BTBD8: variants seen among roughly 807,000 people sequenced by gnomAD.
BTBD8 encodes the protein BTB domain containing 8.
BTBD8 carries 110 observed loss-of-function variants against 162.9 expected under a neutral mutation model. The observed-to-expected ratio is 0.68, with a 90% CI of 0.58 to 0.79. The LOEUF is 0.79. Among genes scored for constraint, BTBD8 ranks in the 30% least tolerant of loss-of-function variants. The pLI is 0.00. For missense variants in BTBD8, 1,905 were observed against 2,085.4 expected, an observed-to-expected ratio of 0.91 and a Z score of 1.68; for synonymous variants, 667 against 716.1, an observed-to-expected ratio of 0.93 and a Z score of 1.10.
Position 92,182,309 on chromosome 1 carries a change from A to T in BTBD8, c.4626A>T (p.Leu1542=). 6.4e-7 allele frequency: 1 copy of T among 1,551,288 alleles called. No homozygotes were observed. The highest frequency in any genetic ancestry group is 8.7e-7 in the Non-Finnish European group (1 of 1,146,862). The change falls in exon 17 of 18, where the codon CTA becomes CTT. Residue 1542 remains leucine (L), a synonymous_variant. Transcript: ENST00000636805. ...AAAAAAAGAACACAATAGACGTCCT[A>T]TCCAGTAGAAGCAGACAGCTTCTTC... ...ATEKKNTIDV[L]SSRSRQLLRE...
At chr1:92,104,086 C>T (rs1327305403) in intron 3 of BTBD8, among the ~76,000 whole-genome samples, 2 of 152,220 alleles carry the variant, frequency 1.3e-5, no homozygotes, top group East Asian at 3.9e-4. Flanking sequence ...TGGTGTTTCT[C>T]ATCTGAATTT....
chr1:92,164,230 T>TA (rs1451651146), intron 9 of BTBD8, among the ~76,000 whole-genome samples: 8 of 152,176 alleles, frequency 5.3e-5, no homozygotes, highest in African/African-American at 1.9e-4. Flanking sequence ...CTCACACTTG[T>TA]AATCCCAGCA....
intron 9 of BTBD8, among the ~76,000 whole-genome samples, chr1:92,155,056 A>G (rs975243156): frequency 2.0e-5 from 3 of 152,156 alleles, no homozygotes; most frequent in African/African-American, 7.2e-5. Context: ...CCTTTACTAA[A>G]GAGCAGTTTT....
chr1:92,080,777 C>G (rs893059476), intron 1 of BTBD8, 57 bp downstream of exon 1: 25 of 1,557,504 alleles, frequency 1.6e-5, no homozygotes, highest in African/African-American at 6.8e-5. Context: ...ACCTCCGCCC[C>G]GAAGCTGAGG....
chr1:92,120,501 A>T (rs1649181169), intron 4 of BTBD8, among the ~76,000 whole-genome samples: 1 of 152,186 alleles, frequency 6.6e-6, no homozygotes, highest in Non-Finnish European at 1.5e-5. Flanking sequence ...TAGTACAATA[A>T]AATAATAAGC....
intron 2 of BTBD8, among the ~76,000 whole-genome samples, chr1:92,094,973 G>A (rs1349796718): frequency 1.3e-5 from 2 of 152,222 alleles, no homozygotes; most frequent in Non-Finnish European, 2.9e-5. Context: ...AGGATTGAAA[G>A]TGGTTGGAAT....
rs2100686840 is a variant in BTBD8 at position 92,177,258 on chromosome 1, T to A, written c.2065T>A (p.Ser689Thr). 1 of 1,552,082 alleles carries A rather than the reference T, an allele frequency of 6.4e-7. No homozygotes were observed. Residue 689 changes from serine to threonine, a missense_variant, in exon 14 of 18, where the codon TCA (serine) becomes ACA (threonine). Ser to Thr is a moderately conservative substitution (Grantham distance 58). Transcript: ENST00000636805. Reference sequence around the variant, plus strand: ...AGTGAGAAATCAGGAAGGGCAAATTTCAGGTGCCAGACCCAAGGTACTCAC... The same window carrying A: ...AGTGAGAAATCAGGAAGGGCAAATTACAGGTGCCAGACCCAAGGTACTCAC... Reference protein sequence around the residue: ...KGVRNQEGQISGARPKVLTGN... With the variant: ...KGVRNQEGQITGARPKVLTGN...
At chr1:92,089,101 G>C (rs1205724914) in intron 2 of BTBD8, among the ~76,000 whole-genome samples, 2 of 151,976 alleles carry the variant, frequency 1.3e-5, no homozygotes, top group Non-Finnish European at 2.9e-5. Context: ...GCTTAGTACT[G>C]GTAGTACAAT....
Position 92,145,201 on chromosome 1 carries a change from T to G in BTBD8, c.931-1979T>G, listed in dbSNP as rs117618472. 0.019 allele frequency among the ~76,000 whole-genome samples: 2,822 copies of G among 152,288 alleles called. 205 individuals are homozygous for G. The East Asian group carries it at 0.25, about 13-fold the overall frequency. On this transcript the variant is annotated intron_variant, in intron 7 of 17. Coordinates refer to ENST00000636805, the MANE Select transcript of BTBD8 (RefSeq NM_001376131.1). ...CTGGCCTTGAACTCTTGACCTCATG[T>G]AATCCACCTTGCCTCGACATCCCAA...
chr1:92,106,857 A>C (rs1648742023), intron 3 of BTBD8, among the ~76,000 whole-genome samples: 1 of 151,808 alleles, frequency 6.6e-6, no homozygotes, highest in Admixed American at 6.6e-5. Context: ...ATCTGATTTC[A>C]AAAGGTATCC....
At chr1:92,096,165 C>T (rs1362043299) in intron 2 of BTBD8, among the ~76,000 whole-genome samples, 1 of 151,982 alleles carries the variant, frequency 6.6e-6, no homozygotes, top group Non-Finnish European at 1.5e-5. Flanking sequence ...GAAACGGGTT[C>T]GCCATGTTGG....
At chr1:92,131,553 G>A (rs1557450828) in intron 5 of BTBD8, among the ~76,000 whole-genome samples, 2 of 152,042 alleles carry the variant, frequency 1.3e-5, no homozygotes, top group Non-Finnish European at 2.9e-5. Flanking sequence ...GTGAAACCAC[G>A]TCTCTACTAA....
At chr1:92,152,278 C>G (rs1650063086) in intron 9 of BTBD8, among the ~76,000 whole-genome samples, 1 of 151,980 alleles carries the variant, frequency 6.6e-6, no homozygotes, top group South Asian at 2.1e-4. Flanking sequence ...ATGATGAGTA[C>G]AAGCATTAAG....
intron 7 of BTBD8, among the ~76,000 whole-genome samples, chr1:92,143,784 T>A (rs1228575807): frequency 6.6e-6 from 1 of 151,896 alleles, no homozygotes; most frequent in Non-Finnish European, 1.5e-5. Context: ...AGTGCTGGGA[T>A]TACAGGCATG....
chr1:92,085,613 C>T (rs1485725636), intron 1 of BTBD8, among the ~76,000 whole-genome samples: 1 of 151,726 alleles, frequency 6.6e-6, no homozygotes, highest in African/African-American at 2.4e-5. Context: ...ACCTGTACTC[C>T]CAGCTACTCA....
rs1557464065 is a variant in BTBD8 at position 92,171,444 on chromosome 1, TA to T, written c.1620del (p.Phe541SerfsTer16). On this transcript the variant is annotated frameshift_variant, in exon 13 of 18. Coordinates refer to ENST00000636805, the MANE Select transcript of BTBD8 (RefSeq NM_001376131.1). LOFTEE classifies it high-confidence loss of function. ...GATCGAAGACTTGGCAAAAAGCCTA[TA>T]TTCAGTAGCTCGCAGGTAAACTTTC... ...GDDRRLGKKP[I>X]FSSSQQRKQV... The T allele has an allele frequency of 2.0e-6, 3 of 1,529,156 alleles. No individual in the cohort carries two copies. The highest frequency in any genetic ancestry group is 2.6e-6 in the Non-Finnish European group (3 of 1,135,270). The allele number at this position is 1,529,156 out of a possible 1,614,324, so 94.7% of individuals were successfully genotyped here.
At chr1:92,149,948 G>T (rs924963986) in intron 9 of BTBD8, among the ~76,000 whole-genome samples, 3 of 152,024 alleles carry the variant, frequency 2.0e-5, no homozygotes, top group Admixed American at 6.6e-5. Flanking sequence ...CCAACATTAC[G>T]TCCATCTTTC....
intron 5 of BTBD8, among the ~76,000 whole-genome samples, chr1:92,133,044 G>A (rs1436642959): frequency 1.3e-5 from 2 of 152,054 alleles, no homozygotes; most frequent in Non-Finnish European, 2.9e-5. Flanking sequence ...GCTGTTGGAA[G>A]GCTAAAGGGG....
chr1:92,093,353 C>T (rs1046081807), intron 2 of BTBD8, among the ~76,000 whole-genome samples: 7 of 152,058 alleles, frequency 4.6e-5, no homozygotes, highest in Admixed American at 2.6e-4. Flanking sequence ...TCACCATGCC[C>T]GGCTAATTTT....
Sources: gnomAD v4.1 joint callset for allele counts (sites outside exome capture counted in the v4.1 genomes callset) on GRCh38, gnomAD v4.1.1 for gene constraint, MANE v1.5 for transcripts, NCBI Gene and HGNC (gene_info 2026-07-23, HGNC 2026-07-21) for gene names.